STAT5A: variants seen among roughly 807,000 people sequenced by gnomAD.
STAT5A encodes signal transducer and activator of transcription 5A.
STAT5A carries 26 observed loss-of-function variants against 100.2 expected under a neutral mutation model. That is an observed-to-expected ratio of 0.26 (90% CI 0.19 to 0.36). The LOEUF is 0.36. Ranked by LOEUF, STAT5A falls within the 10% of genes least tolerant of loss-of-function variation. The probability of loss-of-function intolerance (pLI) is 1.00; values close to 1 mark genes in which losing one functional copy is unlikely to be tolerated. For missense variants in STAT5A, 634 were observed against 1,027.5 expected, an observed-to-expected ratio of 0.62 and a Z score of 5.24; for synonymous variants, 330 against 424.3, an observed-to-expected ratio of 0.78 and a Z score of 2.73.
At chr17:42,307,268 G>T (rs940778017) in intron 13 of STAT5A, 134 bp from the exon 14 acceptor site, 27 of 821,690 alleles carry the variant, frequency 3.3e-5, no homozygotes, top group Non-Finnish European at 3.8e-5. Context: ...TCACTTTATG[G>T]TCTGCTGGAG....
chr17:42,297,341 T>G (rs1260633184), intron 5 of STAT5A, among the ~76,000 whole-genome samples: 3 of 152,234 alleles, frequency 2.0e-5, no homozygotes, highest in East Asian at 3.8e-4. Context: ...CGGAAGATTT[T>G]GGGCGGTTAT....
At chr17:42,307,557 G>A (rs928743785) in intron 14 of STAT5A, 36 bp from the exon 15 acceptor site, 1 of 1,614,108 alleles carries the variant, frequency 6.2e-7, no homozygotes, top group African/African-American at 1.3e-5. Context: ...CTGTGGCTGT[G>A]GCCCAGTGGT....
chr17:42,308,965 G>A lies in STAT5A; in HGVS notation c.2063-82G>A. 6.4e-7 allele frequency: 1 copy of A among 1,564,278 alleles called. No individual in the cohort carries two copies. Among genetic ancestry groups the A allele is most frequent in the Admixed American group, 1.7e-5 (1 of 59,792 alleles). ...AACACAAGGTGATGTGAGCAGGAGG[G>A]AGACTACATGGGGCGTGGGCTTCCA... On this transcript the variant is annotated intron_variant, in intron 16 of 18. Transcript: ENST00000590949. The surrounding 1 kb of genome is among the most constrained non-coding windows in gnomAD (Gnocchi z 4.6).
At chr17:42,309,515 G>C in intron 18 of STAT5A, 31 bp downstream of exon 18, 2 of 1,605,534 alleles carry the variant, frequency 1.2e-6, no homozygotes, top group Non-Finnish European at 1.7e-6. Flanking sequence ...GTCCGCAGGG[G>C]AAGAACTGGG....
intron 8 of STAT5A, 72 bp from the exon 9 acceptor site, chr17:42,301,203 C>A: frequency 6.4e-7 from 1 of 1,570,638 alleles, no homozygotes; most frequent in Non-Finnish European, 8.7e-7. Context: ...CCCACCCCCA[C>A]CACAGAGGGA....
At chr17:42,289,574 T>C (rs1255372430) in intron 2 of STAT5A, 35 bp downstream of exon 2, 13 of 1,604,004 alleles carry the variant, frequency 8.1e-6, no homozygotes, top group Non-Finnish European at 1.1e-5. Flanking sequence ...CCTCAGAGGG[T>C]CCCTACCATC....
intron 13 of STAT5A, 43 bp from the exon 14 acceptor site, chr17:42,307,359 A>G: frequency 6.3e-7 from 1 of 1,599,394 alleles, no homozygotes. Context: ...GCCACCTGTG[A>G]CCTGGGGCAC....
In STAT5A at chr17:42,304,103, C is replaced by T. The variant is rs754650373; in HGVS notation, c.1170-239C>T. ...AAAGCCCTCACATCAATCTTGGTAT[C>T]GAGGAATTTCTAATGATAGATCCAG... On this transcript the variant is annotated intron_variant, in intron 9 of 18. Transcript: ENST00000590949. This position sits in a 1 kb window ranked among gnomAD's most constrained non-coding sequence, Gnocchi z 4.8. 20 of 534,192 alleles carry T rather than the reference C, an allele frequency of 3.7e-5. No individual in the cohort carries two copies. Among genetic ancestry groups the T allele is most frequent in the African/African-American group, 5.7e-5 (3 of 53,082 alleles). The allele number at this position is 534,192 out of a possible 1,614,324, so 33.1% of individuals were successfully genotyped here.
Position 42,311,351 on chromosome 17 carries a change from T to C in STAT5A, c.*682T>C, listed in dbSNP as rs573972370. On this transcript the variant is annotated 3_prime_UTR_variant, in exon 19 of 19. Coordinates refer to ENST00000590949, the MANE Select transcript of STAT5A (RefSeq NM_001288718.2). ...GGGTTTCTGAGCTGCTCTGAATTAG[T>C]CCTTGCTTGGCTGCTTGGCCTTGGG... 6.5e-6 allele frequency: 1 copy of C among 153,004 alleles called. No individual in the cohort carries two copies. The highest frequency in any genetic ancestry group is 2.4e-5 in the African/African-American group (1 of 41,564). 9.5% of individuals were successfully genotyped at this position (153,004 alleles called of 1,614,324 possible).
rs1403138936 is a variant in STAT5A at position 42,309,405 on chromosome 17, G to A, written c.2143G>A (p.Gly715Ser). 6.2e-7 allele frequency: 1 copy of A among 1,613,112 alleles called. No individual in the cohort carries two copies. The highest frequency in any genetic ancestry group is 8.5e-7 in the Non-Finnish European group (1 of 1,179,968). ...TGTGAATGCATCTGCAGATGCTGGGGGCAGCAGCGCCACGTACATGGACCA... is the reference window on the plus strand; with the variant it reads ...TGTGAATGCATCTGCAGATGCTGGGAGCAGCAGCGCCACGTACATGGACCA... ...EFVNASADAG[G>S]SSATYMDQAP... is the part of the protein sequence containing the mutation. Residue 715 changes from glycine (G) to serine (S), a missense_variant, in exon 18 of 19, where the codon GGC (glycine) becomes AGC (serine). Gly to Ser is a moderately conservative substitution (Grantham distance 56). Around this residue, in one of 5 missense-constraint regions of STAT5A, gnomAD observed 210 missense variants for 428.4 expected, o/e 0.49. Transcript: ENST00000590949.
intron 4 of STAT5A, 131 bp from the exon 5 acceptor site, chr17:42,295,488 T>C: frequency 1.1e-6 from 1 of 902,382 alleles, no homozygotes; most frequent in South Asian, 1.7e-5. Context: ...TCCTTCCTTC[T>C]TGCCCTAGTT....
At chr17:42,298,813 G>A (rs919237052) in intron 5 of STAT5A, among the ~76,000 whole-genome samples, 3 of 152,154 alleles carry the variant, frequency 2.0e-5, no homozygotes, top group African/African-American at 4.8e-5. Context: ...TTAAAAGCTA[G>A]TGAGGCCTGA....
chr17:42,310,912 G>A lies in STAT5A; in HGVS notation c.*243G>A, dbSNP rs2081074790. ...CCAAGAGTGCGCCGAGTCTGTCTCTGTCATGGTAGAGACCGAGCCTCTGTC... is the reference window on the plus strand; with the variant it reads ...CCAAGAGTGCGCCGAGTCTGTCTCTATCATGGTAGAGACCGAGCCTCTGTC... On this transcript the variant is annotated 3_prime_UTR_variant, in exon 19 of 19. Coordinates refer to ENST00000590949, the MANE Select transcript of STAT5A (RefSeq NM_001288718.2). The A allele has an allele frequency of 4.9e-6, 3 of 614,412 alleles. No homozygotes were observed. The South Asian group carries it at 6.1e-5, about 13-fold the overall frequency. 38.1% of individuals were successfully genotyped at this position (614,412 alleles called of 1,614,324 possible).
chr17:42,310,442 G>C, intron 18 of STAT5A, 65 bp from the exon 19 acceptor site: 11 of 1,576,890 alleles, frequency 7.0e-6, no homozygotes, highest in Non-Finnish European at 9.6e-6. Context: ...GCTGGAGGCT[G>C]TCCCCAGGGA....
chr17:42,289,998 G>T lies in STAT5A; in HGVS notation c.261G>T (p.Leu87=). The part of the protein sequence containing the change: ...GEDGFLLKIK[L]GHYATQLQKT... Reference sequence around the variant, plus strand: ...ATGGGTTTTTACTGAAGATCAAGCTGGGGCACTACGCCACGCAGCTCCAGG... The same window carrying T: ...ATGGGTTTTTACTGAAGATCAAGCTTGGGCACTACGCCACGCAGCTCCAGG... Residue 87 remains leucine (L), a synonymous_variant, in exon 3 of 19, where the codon CTG becomes CTT. Transcript: ENST00000590949. The T allele has an allele frequency of 6.2e-7, 1 of 1,612,968 alleles. No individual in the cohort carries two copies. Among genetic ancestry groups the T allele is most frequent in the Non-Finnish European group, 8.5e-7 (1 of 1,179,606 alleles).
chr17:42,306,072 AG>A, intron 12 of STAT5A, 168 bp from the exon 13 acceptor site: 1 of 1,193,276 alleles, frequency 8.4e-7, no homozygotes, highest in Non-Finnish European at 1.2e-6. Flanking sequence ...TGGGAAAAAA[AG>A]TGCAAGCTAG....
At chr17:42,307,224 C>A (rs150098284) in intron 13 of STAT5A, among the ~76,000 whole-genome samples, 178 bp from the exon 14 acceptor site, 1 of 152,250 alleles carries the variant, frequency 6.6e-6, no homozygotes. Flanking sequence ...TGAGTTTCCT[C>A]TCTGTTTTCC....
At chr17:42,306,547 C>A in intron 13 of STAT5A, 100 bp downstream of exon 13, 1 of 1,513,564 alleles carries the variant, frequency 6.6e-7, no homozygotes, top group Non-Finnish European at 9.0e-7. Context: ...ACCCCACTCT[C>A]CACCCCCAAC....
At chr17:42,305,104 G>A (rs1158641722) in intron 11 of STAT5A, among the ~76,000 whole-genome samples, 3 of 152,214 alleles carry the variant, frequency 2.0e-5, no homozygotes, top group Non-Finnish European at 4.4e-5. Context: ...GGAGGCTGAG[G>A]CAGGAGGATC....
Sources: allele counts gnomAD v4.1 joint callset (sites outside exome capture counted in the v4.1 genomes callset), GRCh38; gene constraint gnomAD v4.1.1; regional missense constraint gnomAD v4.1.1; non-coding constraint Gnocchi (gnomAD v3.1); transcripts MANE v1.5; gene names NCBI Gene and HGNC (gene_info 2026-07-23, HGNC 2026-07-21).